Variants in ZHX3 observed in about 807,000 individuals in gnomAD.
ZHX3 encodes zinc fingers and homeoboxes protein 3.
A neutral mutation model predicts 64.5 loss-of-function variants in ZHX3; 20 were observed. That is an observed-to-expected ratio of 0.31 (90% confidence interval 0.22 to 0.45). The LOEUF is 0.45. ZHX3 is among the 20% of genes least tolerant of loss of function. ZHX3 has a pLI of 1.00. For missense variants in ZHX3, 1,041 were observed against 1,195.8 expected (o/e 0.87, Z 1.91); for synonymous variants, 423 against 461.6 (o/e 0.92, Z 1.07).
In ZHX3 at chr20:41,218,673, T is replaced by G. The variant is rs1327394081; in HGVS notation, c.-150-13607A>C. 2.6e-5 allele frequency among the ~76,000 whole-genome samples: 4 copies of G among 152,302 alleles called. No individual in the cohort carries two copies. In the South Asian group the frequency reaches 8.3e-4, roughly 32 times the overall value. ...AACTGTCCTTCCTCAGGAATGTGTG[T>G]GGGCAGGACCTTGGCAGTCCAGTAA... On this transcript the variant is annotated intron_variant, in intron 2 of 3. Transcript: ENST00000683867.
chr20:41,256,605 T>C lies in ZHX3; in HGVS notation c.-151+12385A>G, dbSNP rs186908308. Among the ~76,000 whole-genome samples, 157 of 150,032 alleles carry C rather than the reference T, an allele frequency of 1.0e-3. 2 individuals are homozygous for C. The highest frequency in any genetic ancestry group is 3.7e-3 in the African/African-American group (152 of 40,692). On this transcript the variant is annotated intron_variant, in intron 2 of 3. Transcript: ENST00000683867. ...CAGGTTGCTGCATAAGGAACAAATT[T>C]AGAGCCCCTTCGGAGGTTTTCAACC... is the stretch of plus-strand genomic sequence containing the variant.
rs556368059 is a variant in ZHX3 at position 41,211,542 on chromosome 20, G to T, written c.-150-6476C>A. Among the ~76,000 whole-genome samples, 77 of 152,062 alleles carry T rather than the reference G, an allele frequency of 5.1e-4. 1 individual carries two copies. Among genetic ancestry groups the T allele is most frequent in the East Asian group, 4.8e-3 (25 of 5,176 alleles). The stretch of plus-strand genomic sequence containing the variant: ...TAAATAAATTTAATGTCTATAATTT[G>T]GTATACCTTCTCATTTAGTCCAGAT... On this transcript the variant is annotated intron_variant, in intron 2 of 3. Transcript: ENST00000683867.
intron 2 of ZHX3, among the ~76,000 whole-genome samples, chr20:41,205,875 C>A (rs1203795655): frequency 2.6e-5 from 4 of 152,312 alleles, no homozygotes; most frequent in Middle Eastern, 3.4e-3. Flanking sequence ...CCCTGAGTAG[C>A]CTAACTGGGA....
intron 2 of ZHX3, among the ~76,000 whole-genome samples, chr20:41,215,764 C>G (rs1390561343): frequency 1.5e-5 from 2 of 129,302 alleles, no homozygotes; most frequent in Non-Finnish European, 3.1e-5. Flanking sequence ...GAAACCACGT[C>G]TCTACTAAAA....
chr20:41,225,961 A>G (rs1047411154), intron 2 of ZHX3, among the ~76,000 whole-genome samples: 2 of 152,176 alleles, frequency 1.3e-5, no homozygotes, highest in Non-Finnish European at 2.9e-5. Flanking sequence ...ACTACTTTCT[A>G]AGAGTTTGAC....
intron 1 of ZHX3, among the ~76,000 whole-genome samples, chr20:41,294,523 T>C (rs1476217930): frequency 6.6e-6 from 1 of 151,852 alleles, no homozygotes; most frequent in East Asian, 1.9e-4. Context: ...CCACCACACC[T>C]GGGTAATTTT....
At chr20:41,221,123 C>T (rs1055271675) in intron 2 of ZHX3, among the ~76,000 whole-genome samples, 3 of 152,230 alleles carry the variant, frequency 2.0e-5, no homozygotes, top group Non-Finnish European at 2.9e-5. Context: ...CCACACCACT[C>T]TCCACTGTTC....
chr20:41,317,265 G>A (rs2146858229), intron 1 of ZHX3: 1 of 152,534 alleles, frequency 6.6e-6, no homozygotes, highest in South Asian at 2.1e-4. Flanking sequence ...ATGACAGATG[G>A]CGGAGGGCGG....
intron 1 of ZHX3, among the ~76,000 whole-genome samples, chr20:41,298,258 T>C (rs2044638185): frequency 6.6e-6 from 1 of 152,174 alleles, no homozygotes; most frequent in Non-Finnish European, 1.5e-5. Context: ...CCCCAGCCTT[T>C]CCAAACCTCC....
At chr20:41,268,136 G>C (rs1294433923) in intron 2 of ZHX3, among the ~76,000 whole-genome samples, 1 of 152,038 alleles carries the variant, frequency 6.6e-6, no homozygotes, top group Non-Finnish European at 1.5e-5. Context: ...TGTGAAGGAG[G>C]AGAGAGAGAT....
chr20:41,279,964 C>A (rs982476451), intron 1 of ZHX3, among the ~76,000 whole-genome samples: 3 of 152,142 alleles, frequency 2.0e-5, no homozygotes, highest in African/African-American at 7.2e-5. Context: ...GCTGCATCCT[C>A]CAGTGTTCTC....
intron 2 of ZHX3, among the ~76,000 whole-genome samples, chr20:41,225,452 T>TA (rs1424746703): frequency 6.6e-6 from 1 of 152,196 alleles, no homozygotes; most frequent in African/African-American, 2.4e-5. Flanking sequence ...AAAATTGTGA[T>TA]AAAAAACACA....
At chr20:41,214,538 C>T (rs2039385066) in intron 2 of ZHX3, among the ~76,000 whole-genome samples, 1 of 152,166 alleles carries the variant, frequency 6.6e-6, no homozygotes, top group African/African-American at 2.4e-5. Context: ...TTTCCTCCAG[C>T]ATTTATTAAG....
chr20:41,260,810 A>T (rs1046583519), intron 2 of ZHX3, among the ~76,000 whole-genome samples: 2 of 152,248 alleles, frequency 1.3e-5, no homozygotes, highest in Non-Finnish European at 2.9e-5. Context: ...TCCAGTTTAC[A>T]GATGAGAAAA....
At chr20:41,253,297 T>C (rs945627696) in intron 2 of ZHX3, among the ~76,000 whole-genome samples, 2 of 152,052 alleles carry the variant, frequency 1.3e-5, no homozygotes, top group African/African-American at 4.8e-5. Flanking sequence ...CTATTACTTA[T>C]TAGCTGCATA....
intron 1 of ZHX3, among the ~76,000 whole-genome samples, chr20:41,278,336 C>A (rs2043495000): frequency 7.3e-6 from 1 of 136,918 alleles, no homozygotes; most frequent in East Asian, 2.2e-4. Context: ...AGAGAGAGAC[C>A]CTGTCTTGAA....
chr20:41,276,166 T>C (rs1354745101), intron 1 of ZHX3, among the ~76,000 whole-genome samples: 1 of 152,180 alleles, frequency 6.6e-6, no homozygotes, highest in Non-Finnish European at 1.5e-5. Context: ...AATACCTGAA[T>C]GTATGATAGC....
Position 41,201,228 on chromosome 20 carries a change from C to T in ZHX3, c.2860+829G>A, listed in dbSNP as rs1047576803. ...TTGCCAACTCAGCTAGCAATGCTGC[C>T]ATTTTGGAACCCCCAATCCCTTCAG... On this transcript the variant is annotated intron_variant, in intron 3 of 3. Transcript: ENST00000683867. This position sits in a 1 kb window ranked among gnomAD's most constrained non-coding sequence, Gnocchi z 5.0. 36 of 1,188,808 alleles carry T rather than the reference C, an allele frequency of 3.0e-5. No individual in the cohort carries two copies. The highest frequency in any genetic ancestry group is 3.9e-5 in the Non-Finnish European group (36 of 914,140). 73.6% of individuals were successfully genotyped at this position (1,188,808 alleles called of 1,614,324 possible). A position where few individuals can be genotyped will look rare whatever the true frequency, so the allele number is the denominator to read the frequency against.
chr20:41,296,291 T>TCCTCACTG (rs1460551494), intron 1 of ZHX3, among the ~76,000 whole-genome samples: 2 of 138,702 alleles, frequency 1.4e-5, no homozygotes, highest in African/African-American at 5.3e-5. Context: ...TCTGTTACAG[T>TCCTCACTG]CCTCACTGTT....
Sources: allele counts gnomAD v4.1 joint callset (sites outside exome capture counted in the v4.1 genomes callset), GRCh38; gene constraint gnomAD v4.1.1; non-coding constraint Gnocchi (gnomAD v3.1); transcripts MANE v1.5; gene names NCBI Gene and HGNC (gene_info 2026-07-23, HGNC 2026-07-21).